KIN: variants seen among roughly 807,000 people sequenced by gnomAD.
KIN encodes the protein DNA/RNA-binding protein KIN17.
Under a neutral mutation model 63.0 loss-of-function variants are expected in KIN, and 47 were observed. The ratio of observed to expected loss-of-function variants is 0.75; its 90% CI spans 0.59 to 0.95. The LOEUF is 0.95. KIN is among the 40% of genes least tolerant of loss of function. The probability of loss-of-function intolerance (pLI) is 0.00; values close to 1 mark genes in which losing one functional copy is unlikely to be tolerated. For synonymous variants in KIN, 160 were observed against 157.7 expected, an observed-to-expected ratio of 1.01 and a Z score of -0.11; for missense variants, 408 against 460.9, an observed-to-expected ratio of 0.89 and a Z score of 1.05.
intron 11 of KIN, among the ~76,000 whole-genome samples, chr10:7,761,757 T>C (rs34156476): frequency 0.085 from 12,875 of 152,202 alleles, 737 homozygotes; most frequent in East Asian, 0.25. Context: ...ATTCCAGCCC[T>C]TTGGGAGGCT....
rs1267155297 is a variant in KIN at position 7,777,743 on chromosome 10, C to CA, written c.558+1094dup. Among the ~76,000 whole-genome samples the CA allele has an allele frequency of 2.6e-5, 4 of 152,050 alleles. 1 individual carries two copies. The highest frequency in any genetic ancestry group is 4.1e-4 in the South Asian group (2 of 4,824). The stretch of plus-strand genomic sequence containing the variant: ...TGAAACCCCGTCTCTACTAAAAATG[C>CA]AAAAAATTAGCTGGGCATGGTGGCT... On this transcript the variant is annotated intron_variant, in intron 5 of 12. Coordinates refer to ENST00000379562, the MANE Select transcript of KIN (RefSeq NM_012311.4).
intron 12 of KIN, among the ~76,000 whole-genome samples, chr10:7,757,897 C>G (rs910313600): frequency 1.9e-4 from 29 of 152,076 alleles, no homozygotes; most frequent in African/African-American, 7.0e-4. Context: ...TAAAAATCTG[C>G]TTGATATATG....
Position 7,769,348 on chromosome 10 carries a change from G to C in KIN, c.669-3C>G. ...TCAGTGCACTCGGTCCCAGAGTACTGATGAACAGGAGAACCATGCTTGTTA... is the reference window on the plus strand; with the variant it reads ...TCAGTGCACTCGGTCCCAGAGTACTCATGAACAGGAGAACCATGCTTGTTA... On this transcript the variant is annotated splice_region_variant and splice_polypyrimidine_tract_variant and intron_variant, in intron 7 of 12. Transcript: ENST00000379562. 6.2e-7 allele frequency: 1 copy of C among 1,609,650 alleles called. No individual in the cohort carries two copies. The highest frequency in any genetic ancestry group is 8.5e-7 in the Non-Finnish European group (1 of 1,178,762).
At chr10:7,771,369 C>G (rs575613747) in intron 7 of KIN, among the ~76,000 whole-genome samples, 5 of 152,188 alleles carry the variant, frequency 3.3e-5, no homozygotes, top group Non-Finnish European at 7.4e-5. Context: ...CTATCATAAT[C>G]TGTTGGAAAT....
In KIN at chr10:7,781,750, C is replaced by CAAAA. The variant is rs34969604; in HGVS notation, c.209+1327_209+1330dup. On this transcript the variant is annotated intron_variant, in intron 2 of 12. Transcript: ENST00000379562. The stretch of plus-strand genomic sequence containing the variant: ...ACTATGCCACAAAACAAGACCCTGT[C>CAAAA]AAAAAAAAAAAAAAAAAAAAAAAAT... 7.7e-3 allele frequency among the ~76,000 whole-genome samples: 524 copies of CAAAA among 67,864 alleles called. 18 individuals are homozygous for CAAAA. The highest frequency in any genetic ancestry group is 0.036 in the East Asian group (91 of 2,548). 44.5% of individuals were successfully genotyped at this position (67,864 alleles called of 152,430 possible).
chr10:7,774,694 A>G, intron 7 of KIN, 137 bp downstream of exon 7: 2 of 715,466 alleles, frequency 2.8e-6, no homozygotes, highest in Admixed American at 4.9e-5. Flanking sequence ...TGCTAAAAAA[A>G]CAACGCAACC....
intron 5 of KIN, among the ~76,000 whole-genome samples, chr10:7,776,943 C>A (rs1159381912): frequency 6.7e-6 from 1 of 148,862 alleles, no homozygotes; most frequent in African/African-American, 2.5e-5. Flanking sequence ...CCTATAGTCC[C>A]AGCTACTCAT....
chr10:7,775,835 T>A (rs1835758997), intron 5 of KIN, 36 bp from the exon 6 acceptor site: 1 of 1,316,460 alleles, frequency 7.6e-7, no homozygotes. Context: ...TTGGTGTACA[T>A]TGCACTTACT....
chr10:7,754,193 T>C lies in KIN; in HGVS notation c.*1887A>G, dbSNP rs2130977290. The C allele has an allele frequency of 2.3e-6, 1 of 428,602 alleles. No homozygotes were observed. Among genetic ancestry groups the C allele is most frequent in the South Asian group, 1.7e-5 (1 of 58,434 alleles). 26.5% of individuals were successfully genotyped at this position (428,602 alleles called of 1,614,324 possible). A position where few individuals can be genotyped will look rare whatever the true frequency, so the allele number is the denominator to read the frequency against. On this transcript the variant is annotated 3_prime_UTR_variant, in exon 13 of 13. Coordinates refer to ENST00000379562, the MANE Select transcript of KIN (RefSeq NM_012311.4). ...AAAAATCAAAAAAATTAGCCAGGCA[T>C]GGTAGTGCATGCCTGTAGTCCCAGC...
At chr10:7,774,710 A>C in intron 7 of KIN, 121 bp downstream of exon 7, 1 of 828,374 alleles carries the variant, frequency 1.2e-6, no homozygotes. Flanking sequence ...CAACCAATAA[A>C]AACCAAAAAC....
At chr10:7,758,615 C>T (rs1588469478) in intron 12 of KIN, among the ~76,000 whole-genome samples, 1 of 146,678 alleles carries the variant, frequency 6.8e-6, no homozygotes, top group Non-Finnish European at 1.5e-5. Context: ...AAACATGAAA[C>T]AGGATCTGCA....
chr10:7,769,252 C>T lies in KIN; in HGVS notation c.762G>A (p.Lys254=). The T allele has an allele frequency of 1.9e-6, 3 of 1,613,022 alleles. No individual in the cohort carries two copies. Among genetic ancestry groups the T allele is most frequent in the South Asian group, 1.1e-5 (1 of 90,946 alleles). The change falls in exon 8 of 13, where the codon AAG becomes AAA. Residue 254 remains lysine, a synonymous_variant. Coordinates refer to ENST00000379562, the MANE Select transcript of KIN (RefSeq NM_012311.4). ...CATCCAGTGCAGATTTCTTTTTCTT[C>T]TTTTCTTTAGACTGAGTTGAGCTCT... The part of the protein sequence containing the change: ...SSQSSTQSKE[K]KKKKSALDEI...
chr10:7,784,147 T>C (rs1835951564), intron 1 of KIN, among the ~76,000 whole-genome samples: 1 of 152,192 alleles, frequency 6.6e-6, no homozygotes, highest in African/African-American at 2.4e-5. Context: ...AACAATACAG[T>C]TACTAAATCC....
intron 12 of KIN, among the ~76,000 whole-genome samples, chr10:7,758,377 T>G (rs1047061322): frequency 6.6e-6 from 1 of 152,148 alleles, no homozygotes; most frequent in Non-Finnish European, 1.5e-5. Flanking sequence ...GCTGGTAGAT[T>G]CCCTCTTCTA....
intron 11 of KIN, 127 bp downstream of exon 11, chr10:7,762,330 C>T (rs1016272680): frequency 3.8e-5 from 20 of 521,196 alleles, no homozygotes; most frequent in Admixed American, 1.4e-4. Context: ...AGATGAGTTA[C>T]GCTGGCAGTT....
chr10:7,779,096 ATATT>A, intron 4 of KIN, 77 bp from the exon 5 acceptor site: 1 of 1,504,900 alleles, frequency 6.6e-7, no homozygotes, highest in Non-Finnish European at 9.0e-7. Flanking sequence ...TCACCTCTGC[ATATT>A]TATTCATTCA....
rs139607071 is a variant in KIN, at chr10:7,761,200, A to C, written c.1019-1210T>G. On this transcript the variant is annotated intron_variant, in intron 11 of 12. Coordinates refer to ENST00000379562, the MANE Select transcript of KIN (RefSeq NM_012311.4). ...AAACTTACCAAATTGTATACTTTAC[A>C]TATGTGTGATTTATTGTACATCAAT... 40 of 152,336 alleles carry C rather than the reference A, an allele frequency of 2.6e-4. 1 individual carries two copies. Among genetic ancestry groups the C allele is most frequent in the Admixed American group, 1.4e-3 (22 of 15,298 alleles). 9.4% of individuals were successfully genotyped at this position (152,336 alleles called of 1,614,324 possible).
In KIN at chr10:7,763,735, C is replaced by A; in HGVS notation, c.906G>T (p.Lys302Asn). Residue 302 changes from lysine (K) to asparagine (N), a missense_variant, in exon 10 of 13, where the codon AAG becomes AAT. Around this residue, in one of 2 missense-constraint regions of KIN, gnomAD observed 298 missense variants for 296.0 expected, o/e 1.01. Coordinates refer to ENST00000379562, the MANE Select transcript of KIN (RefSeq NM_012311.4). ...KKLGEKYHKK[K>N]AIVKEVIDKY... ...TGCACGTCCTTACCTTAACAATAGC[C>A]TTTTTCTTATGATATTTCTCTCCCA... 1 of 1,488,214 alleles carries A rather than the reference C, an allele frequency of 6.7e-7. No homozygotes were observed. Among genetic ancestry groups the A allele is most frequent in the Non-Finnish European group, 9.3e-7 (1 of 1,078,220 alleles). The allele number at this position is 1,488,214 out of a possible 1,614,324, so 92.2% of individuals were successfully genotyped here. A position where few individuals can be genotyped will look rare whatever the true frequency, so the allele number is the denominator to read the frequency against.
chr10:7,782,451 T>C (rs1588488234), intron 2 of KIN, among the ~76,000 whole-genome samples: 1 of 150,486 alleles, frequency 6.6e-6, no homozygotes, highest in South Asian at 2.1e-4. Flanking sequence ...CAGGCTAGAG[T>C]GCAATGGTGC....
Sources: allele counts gnomAD v4.1 joint callset (sites outside exome capture counted in the v4.1 genomes callset), GRCh38; gene constraint gnomAD v4.1.1; regional missense constraint gnomAD v4.1.1; transcripts MANE v1.5; gene names NCBI Gene and HGNC (gene_info 2026-07-23, HGNC 2026-07-21).